CCDC30: variants seen among roughly 807,000 people sequenced by gnomAD.
The protein encoded by CCDC30 is coiled-coil domain-containing protein 30.
A neutral mutation model predicts 100.2 loss-of-function variants in CCDC30; 70 were observed. The observed-to-expected ratio is 0.70, with a 90% confidence interval of 0.58 to 0.85. The LOEUF (loss-of-function observed/expected upper bound fraction) is 0.85. Ranked by LOEUF, CCDC30 falls within the 40% of genes least tolerant of loss-of-function variation. CCDC30 has a pLI of 0.00. For missense variants in CCDC30, 652 were observed against 771.2 expected, an observed-to-expected ratio of 0.85 and a Z score of 1.83; for synonymous variants, 233 against 269.5, an observed-to-expected ratio of 0.86 and a Z score of 1.33.
intron 6 of CCDC30, among the ~76,000 whole-genome samples, chr1:42,502,953 G>T (rs1644343385): frequency 6.6e-6 from 1 of 152,092 alleles, no homozygotes; most frequent in Admixed American, 6.5e-5. Flanking sequence ...TGGAGTGCAT[G>T]CTCACTGCAG....
chr1:42,636,338 C>T (rs989444434), intron 11 of CCDC30, among the ~76,000 whole-genome samples: 4 of 151,604 alleles, frequency 2.6e-5, no homozygotes, highest in East Asian at 1.9e-4. Flanking sequence ...CTCAGGAGGT[C>T]GAGGATGTAG....
chr1:42,563,606 C>T (rs975170836), intron 6 of CCDC30, among the ~76,000 whole-genome samples: 42 of 152,086 alleles, frequency 2.8e-4, no homozygotes, highest in African/African-American at 4.6e-4. Flanking sequence ...AGTGGCTGGG[C>T]GCGCTGGCTC....
chr1:42,531,697 G>A (rs932032233), intron 6 of CCDC30, among the ~76,000 whole-genome samples: 14 of 152,152 alleles, frequency 9.2e-5, no homozygotes, highest in African/African-American at 3.4e-4. Context: ...AGAGACAGAG[G>A]TTGCAGTGAG....
At chr1:42,570,382 G>T (rs1210706834) in intron 7 of CCDC30, among the ~76,000 whole-genome samples, 3 of 151,138 alleles carry the variant, frequency 2.0e-5, no homozygotes, top group Non-Finnish European at 4.4e-5. Context: ...AAAAGAAAAA[G>T]AAACCAAAAT....
At chr1:42,483,302 C>T (rs754858762) in intron 3 of CCDC30, among the ~76,000 whole-genome samples, 16 of 152,226 alleles carry the variant, frequency 1.1e-4, no homozygotes, top group Admixed American at 5.9e-4. Flanking sequence ...TACTGATGGA[C>T]GATTGTGTTG....
chr1:42,485,979 G>T (rs1644044178), intron 3 of CCDC30, among the ~76,000 whole-genome samples: 2 of 152,168 alleles, frequency 1.3e-5, no homozygotes, highest in Non-Finnish European at 2.9e-5. Context: ...AAAAAAGACA[G>T]ACAGTGACAA....
intron 3 of CCDC30, among the ~76,000 whole-genome samples, chr1:42,484,494 A>G (rs1644018125): frequency 6.6e-6 from 1 of 152,220 alleles, no homozygotes; most frequent in South Asian, 2.1e-4. Flanking sequence ...TTCTATCAGC[A>G]GTTGCTCTGT....
intron 3 of CCDC30, among the ~76,000 whole-genome samples, chr1:42,484,237 T>G (rs540107336): frequency 1.3e-5 from 2 of 152,166 alleles, no homozygotes; most frequent in Non-Finnish European, 2.9e-5. Context: ...CCATGTGGGT[T>G]GGTGGGTATA....
In CCDC30 at chr1:42,489,947, C is replaced by T. The variant is rs376990713; in HGVS notation, c.170-211C>T. The T allele has an allele frequency of 5.6e-5, 15 of 269,914 alleles. No homozygotes were observed. In the East Asian group the frequency reaches 6.7e-4, roughly 12 times the overall value. 16.7% of individuals were successfully genotyped at this position (269,914 alleles called of 1,614,324 possible). ...TATTAAGGAAAGACAATTACAAGAT[C>T]AGATAATCAGGGATAGGGCTAAATA... On this transcript the variant is annotated intron_variant, in intron 3 of 16. Coordinates refer to ENST00000668663, the Ensembl canonical transcript of CCDC30.
At chr1:42,509,764 C>T (rs1644448722) in intron 6 of CCDC30, among the ~76,000 whole-genome samples, 2 of 152,148 alleles carry the variant, frequency 1.3e-5, no homozygotes, top group Non-Finnish European at 2.9e-5. Context: ...TAAGACCAAC[C>T]TCACAAATCC....
intron 11 of CCDC30, among the ~76,000 whole-genome samples, chr1:42,634,249 C>CAAAAAA (rs754829759): frequency 1.0e-3 from 115 of 115,238 alleles, no homozygotes; most frequent in Non-Finnish European, 1.5e-3. Context: ...AAGACTGTCT[C>CAAAAAA]AAAAAAAAAA....
intron 6 of CCDC30, among the ~76,000 whole-genome samples, chr1:42,560,040 T>A (rs537388458): frequency 6.6e-6 from 1 of 152,314 alleles, no homozygotes; most frequent in East Asian, 1.9e-4. Flanking sequence ...CCTGAATGAC[T>A]TCTTGGTAAA....
At chr1:42,500,673 A>G (rs1057408787) in intron 6 of CCDC30, among the ~76,000 whole-genome samples, 1 of 152,156 alleles carries the variant, frequency 6.6e-6, no homozygotes, top group Admixed American at 6.5e-5. Context: ...TCAGCCTCCC[A>G]AAGTGCTGGG....
chr1:42,620,980 A>C (rs949587048), intron 11 of CCDC30, among the ~76,000 whole-genome samples: 1 of 152,144 alleles, frequency 6.6e-6, no homozygotes, highest in African/African-American at 2.4e-5. Context: ...AAGTTTCATG[A>C]GGTAGCCATT....
intron 10 of CCDC30, among the ~76,000 whole-genome samples, chr1:42,602,325 A>G (rs189223421): frequency 6.6e-6 from 1 of 152,250 alleles, no homozygotes; most frequent in East Asian, 1.9e-4. Flanking sequence ...TTAAATGGGT[A>G]TTCAATAGAA....
intron 4 of CCDC30, among the ~76,000 whole-genome samples, chr1:42,495,336 T>C (rs1644214779): frequency 6.6e-6 from 1 of 151,168 alleles, no homozygotes; most frequent in Admixed American, 6.6e-5. Flanking sequence ...AAGGGGAACA[T>C]GACACTCTGG....
intron 11 of CCDC30, among the ~76,000 whole-genome samples, chr1:42,633,032 A>G (rs1316318477): frequency 6.6e-6 from 1 of 151,156 alleles, no homozygotes; most frequent in East Asian, 2.0e-4. Flanking sequence ...CTGGTCTTGA[A>G]CTCCTGGCCT....
At chr1:42,579,634 CAAAAAGAGAGAGAGAG>C (rs1366030788) in intron 8 of CCDC30, among the ~76,000 whole-genome samples, 1 of 150,202 alleles carries the variant, frequency 6.7e-6, no homozygotes, top group Non-Finnish European at 1.5e-5. Context: ...AACTCTGTCT[CAAAAAGAGAGAGAGAG>C]AGAAAGAGAG....
At chr1:42,519,718 AT>A (rs1004496998) in intron 6 of CCDC30, among the ~76,000 whole-genome samples, 4 of 150,556 alleles carry the variant, frequency 2.7e-5, no homozygotes, top group African/African-American at 7.3e-5. Context: ...TGCCTGGCTA[AT>A]TTTTTTTGTA....
Sources: gnomAD v4.1 joint callset for allele counts (sites outside exome capture counted in the v4.1 genomes callset) on GRCh38, gnomAD v4.1.1 for gene constraint, MANE v1.5 for transcripts, NCBI Gene and HGNC (gene_info 2026-07-23, HGNC 2026-07-21) for gene names.